Variants in COL21A1 observed in about 807,000 individuals in gnomAD.
The protein encoded by COL21A1 is collagen alpha-1(XXI) chain.
Under a neutral mutation model 137.9 loss-of-function variants are expected in COL21A1, and 149 were observed. The observed-to-expected ratio is 1.08, with a 90% CI of 0.95 to 1.24. The LOEUF is 1.24. Among genes scored for constraint, COL21A1 ranks in the 50% most tolerant of loss-of-function variants. COL21A1 has a pLI of 0.00. For synonymous variants in COL21A1, 456 were observed against 391.5 expected, an observed-to-expected ratio of 1.16 and a Z score of -1.95; for missense variants, 1,167 against 1,158.4, an observed-to-expected ratio of 1.01 and a Z score of -0.11.
At position 56,057,546 on chromosome 6, in the gene COL21A1, CACCGAGGT is replaced by C; in HGVS notation, c.*103_*110del. The C allele has an allele frequency of 1.0e-6, 1 of 964,096 alleles. No homozygotes were observed. The highest frequency in any genetic ancestry group is 2.7e-5 in the Admixed American group (1 of 37,016). 59.7% of individuals were successfully genotyped at this position (964,096 alleles called of 1,614,324 possible). ...TTCCATAAGAAAAAAAAAATAAAAA[CACCGAGGT>C]ACTTAAGTTTCTTTTCAAGGGATTA... is the stretch of plus-strand genomic sequence containing the variant. On this transcript the variant is annotated 3_prime_UTR_variant, in exon 30 of 30. Coordinates refer to ENST00000244728, the MANE Select transcript of COL21A1 (RefSeq NM_030820.4).
At chr6:56,234,349 T>C (rs1474464176) in intron 1 of COL21A1, among the ~76,000 whole-genome samples, 1 of 151,706 alleles carries the variant, frequency 6.6e-6, no homozygotes, top group Non-Finnish European at 1.5e-5. Context: ...AAAAATAGAA[T>C]TCAAAGCAAA....
Position 56,084,858 on chromosome 6 carries a change from T to G in COL21A1, c.1813-7285A>C, listed in dbSNP as rs577876623. On this transcript the variant is annotated intron_variant, in intron 17 of 29. Transcript: ENST00000244728. Reference sequence around the variant, plus strand: ...ATACTGCAGACTCAGAAATCAATACTGGGGAGATCTTAATACACCTCCCTG... The same window carrying G: ...ATACTGCAGACTCAGAAATCAATACGGGGGAGATCTTAATACACCTCCCTG... 6.5e-4 allele frequency among the ~76,000 whole-genome samples: 99 copies of G among 152,184 alleles called. 1 individual carries two copies. The highest frequency in any genetic ancestry group is 1.0e-3 in the South Asian group (5 of 4,826).
intron 16 of COL21A1, among the ~76,000 whole-genome samples, chr6:56,111,967 T>C (rs1208351782): frequency 6.6e-6 from 1 of 151,976 alleles, no homozygotes; most frequent in Non-Finnish European, 1.5e-5. Context: ...ATGGAATTTA[T>C]GTAAATCTAT....
intron 1 of COL21A1, among the ~76,000 whole-genome samples, chr6:56,266,513 A>T (rs1428348710): frequency 6.6e-6 from 1 of 152,260 alleles, no homozygotes; most frequent in Non-Finnish European, 1.5e-5. Flanking sequence ...AACAAAGCTT[A>T]AAATATTTAC....
chr6:56,223,712 C>T (rs1159462606), intron 1 of COL21A1, among the ~76,000 whole-genome samples: 4 of 151,984 alleles, frequency 2.6e-5, no homozygotes, highest in Non-Finnish European at 5.9e-5. Context: ...TGGTAAACTA[C>T]CTTTAAATCA....
chr6:56,074,965 C>T, intron 19 of COL21A1, among the ~76,000 whole-genome samples: 1 of 125,670 alleles, frequency 8.0e-6, no homozygotes, highest in East Asian at 3.0e-4. Context: ...TCACTTCTAG[C>T]AATAAAGTTA....
At chr6:56,175,987 A>G (rs60913237) in intron 3 of COL21A1, among the ~76,000 whole-genome samples, 10,171 of 152,220 alleles carry the variant, frequency 0.067, 396 homozygotes, top group Admixed American at 0.11. Flanking sequence ...GCATGCATCA[A>G]TGAAATTATC....
At chr6:56,337,300 C>T (rs186270037) in intron 1 of COL21A1, among the ~76,000 whole-genome samples, 2 of 152,272 alleles carry the variant, frequency 1.3e-5, no homozygotes, top group Admixed American at 1.3e-4. Flanking sequence ...TTACTGAAGG[C>T]CTGCAATGTT....
chr6:56,362,905 C>A (rs7452915), intron 1 of COL21A1, among the ~76,000 whole-genome samples: 1 of 151,930 alleles, frequency 6.6e-6, no homozygotes, highest in African/African-American at 2.4e-5. Context: ...CCCTACCCCC[C>A]ACGCCCACAT....
At chr6:56,288,151 A>T (rs537642728) in intron 1 of COL21A1, among the ~76,000 whole-genome samples, 130 of 152,230 alleles carry the variant, frequency 8.5e-4, no homozygotes, top group African/African-American at 3.0e-3. Flanking sequence ...CCCCGTACAA[A>T]CATTCATGCA....
intron 1 of COL21A1, among the ~76,000 whole-genome samples, chr6:56,264,902 G>A (rs555017046): frequency 6.6e-6 from 1 of 152,262 alleles, no homozygotes; most frequent in South Asian, 2.1e-4. Context: ...TGTTGCTCAG[G>A]AGTCTTCATA....
At chr6:56,216,721 T>C (rs1257478600) in intron 1 of COL21A1, among the ~76,000 whole-genome samples, 2 of 152,120 alleles carry the variant, frequency 1.3e-5, no homozygotes, top group African/African-American at 2.4e-5. Context: ...ATTGAAGCTA[T>C]ACTTTCCTGA....
intron 1 of COL21A1, among the ~76,000 whole-genome samples, chr6:56,203,877 C>T (rs1779572595): frequency 1.3e-5 from 2 of 152,070 alleles, no homozygotes; most frequent in South Asian, 4.2e-4. Context: ...AGGGGATCTC[C>T]CTCCCCCAGC....
At chr6:56,284,743 C>T (rs535496691) in intron 1 of COL21A1, among the ~76,000 whole-genome samples, 1 of 128,556 alleles carries the variant, frequency 7.8e-6, no homozygotes, top group Non-Finnish European at 1.7e-5. Context: ...TGAACTTCAT[C>T]GACCTACCCA....
intron 1 of COL21A1, among the ~76,000 whole-genome samples, chr6:56,190,309 A>G (rs1778576900): frequency 6.6e-6 from 1 of 152,240 alleles, no homozygotes; most frequent in Non-Finnish European, 1.5e-5. Context: ...ACTACTATAA[A>G]CATGTCTACG....
intron 12 of COL21A1, among the ~76,000 whole-genome samples, chr6:56,131,031 C>G (rs1773517375): frequency 6.6e-6 from 1 of 151,920 alleles, no homozygotes. Flanking sequence ...TACTATAATG[C>G]AGCTTAGCCT....
intron 20 of COL21A1, among the ~76,000 whole-genome samples, chr6:56,073,751 GC>G (rs1389916736): frequency 6.6e-6 from 1 of 151,398 alleles, no homozygotes; most frequent in Non-Finnish European, 1.5e-5. Context: ...TGTTAAGCTT[GC>G]CTTACTTATT....
chr6:56,107,798 T>C (rs1771081276), intron 16 of COL21A1, among the ~76,000 whole-genome samples: 1 of 152,118 alleles, frequency 6.6e-6, no homozygotes, highest in Non-Finnish European at 1.5e-5. Context: ...TAAACCCAAA[T>C]GTGACCGTGG....
intron 17 of COL21A1, among the ~76,000 whole-genome samples, chr6:56,095,993 C>T (rs1451070805): frequency 6.6e-6 from 1 of 151,838 alleles, no homozygotes; most frequent in Non-Finnish European, 1.5e-5. Context: ...ATTACAGGCG[C>T]CCACCACCAC....
Sources: gnomAD v4.1 joint callset for allele counts (sites outside exome capture counted in the v4.1 genomes callset) on GRCh38, gnomAD v4.1.1 for gene constraint, MANE v1.5 for transcripts, NCBI Gene and HGNC (gene_info 2026-07-23, HGNC 2026-07-21) for gene names.